Variants in TULP4 observed in about 807,000 individuals in gnomAD.
TULP4 encodes TUB like protein 4, also known as tubby-related protein 4.
Under a neutral mutation model 129.0 loss-of-function variants are expected in TULP4, and 16 were observed. The observed-to-expected ratio is 0.12, with a 90% CI of 0.08 to 0.19. The LOEUF is 0.19. Among genes scored for constraint, TULP4 ranks in the 10% least tolerant of loss-of-function variants. The probability of loss-of-function intolerance (pLI) is 1.00; values close to 1 mark genes in which losing one functional copy is unlikely to be tolerated. For synonymous variants in TULP4, 998 were observed against 854.0 expected (o/e 1.17, Z -2.94); for missense variants, 1,842 against 2,059.1 (o/e 0.89, Z 2.04).
intron 1 of TULP4, among the ~76,000 whole-genome samples, chr6:158,344,535 CTT>C (rs1440985004): frequency 1.3e-5 from 2 of 152,148 alleles, no homozygotes; most frequent in East Asian, 3.8e-4. Flanking sequence ...ATCATTATAT[CTT>C]TTATGGTGAT....
At chr6:158,368,657 C>G (rs540857687) in intron 1 of TULP4, among the ~76,000 whole-genome samples, 11 of 152,100 alleles carry the variant, frequency 7.2e-5, no homozygotes, top group African/African-American at 2.7e-4. Context: ...ACAGAGCCTT[C>G]GTCTTAAAAG....
chr6:158,272,263 T>G (rs1315814865), intron 1 of TULP4, among the ~76,000 whole-genome samples: 1 of 152,228 alleles, frequency 6.6e-6, no homozygotes, highest in East Asian at 1.9e-4. Flanking sequence ...TCACCAATGT[T>G]TTTATCATCA....
At chr6:158,459,245 A>G (rs986184680) in intron 5 of TULP4, among the ~76,000 whole-genome samples, 1 of 152,184 alleles carries the variant, frequency 6.6e-6, no homozygotes, top group African/African-American at 2.4e-5. Context: ...AGCCTGACCA[A>G]CATGGAGAAA....
chr6:158,343,212 G>C (rs1181705936), intron 1 of TULP4, among the ~76,000 whole-genome samples: 2 of 152,112 alleles, frequency 1.3e-5, no homozygotes, highest in Non-Finnish European at 1.5e-5. Context: ...GAGGTTTGCT[G>C]TAGTTCCTGT....
chr6:158,419,241 C>G (rs963466056), intron 2 of TULP4, among the ~76,000 whole-genome samples: 3 of 152,088 alleles, frequency 2.0e-5, no homozygotes, highest in Middle Eastern at 3.2e-3. Context: ...AACCCATAAC[C>G]CCTACTTGAA....
intron 6 of TULP4, among the ~76,000 whole-genome samples, chr6:158,478,825 T>C (rs116582511): frequency 0.017 from 2,626 of 152,322 alleles, 84 homozygotes; most frequent in African/African-American, 0.059. Context: ...ATAAGAATTT[T>C]CTAACTTGCA....
rs1780704514 is a variant in TULP4, at chr6:158,510,123, C to T, written c.*3429C>T. On this transcript the variant is annotated 3_prime_UTR_variant, in exon 14 of 14. Coordinates refer to ENST00000367097, the MANE Select transcript of TULP4 (RefSeq NM_020245.5). Reference sequence around the variant, plus strand: ...CTCTAACCTCATCAAACCAAAGGCACAGATTTGTGTACAATATACCCATTG... The same window carrying T: ...CTCTAACCTCATCAAACCAAAGGCATAGATTTGTGTACAATATACCCATTG... 1 of 152,586 alleles carries T rather than the reference C, an allele frequency of 6.6e-6. No homozygotes were observed. The highest frequency in any genetic ancestry group is 1.5e-5 in the Non-Finnish European group (1 of 68,038). 9.5% of individuals were successfully genotyped at this position (152,586 alleles called of 1,614,324 possible).
chr6:158,390,914 ACT>A (rs1375388231), intron 1 of TULP4, among the ~76,000 whole-genome samples: 4 of 152,052 alleles, frequency 2.6e-5, no homozygotes, highest in Non-Finnish European at 5.9e-5. Context: ...GCATAGTAAG[ACT>A]CTGTCTCTAT....
intron 2 of TULP4, among the ~76,000 whole-genome samples, chr6:158,424,894 C>CA (rs1778439755): frequency 6.6e-6 from 1 of 151,784 alleles, no homozygotes; most frequent in African/African-American, 2.4e-5. Flanking sequence ...TGGCTCGTAC[C>CA]GGTAATCCCA....
intron 1 of TULP4, among the ~76,000 whole-genome samples, chr6:158,410,679 T>G (rs1778078401): frequency 6.6e-6 from 1 of 152,232 alleles, no homozygotes; most frequent in Non-Finnish European, 1.5e-5. Flanking sequence ...GAAAGATGTC[T>G]GTGAAGTGGG....
At chr6:158,448,907 T>C (rs964725256) in intron 3 of TULP4, 89 bp from the exon 4 acceptor site, 5 of 1,367,160 alleles carry the variant, frequency 3.7e-6, no homozygotes, top group African/African-American at 1.5e-5. Flanking sequence ...AAATGTATAT[T>C]GTCTTCCTAA....
chr6:158,287,265 T>A (rs923005919), intron 1 of TULP4, among the ~76,000 whole-genome samples: 1 of 152,186 alleles, frequency 6.6e-6, no homozygotes, highest in Admixed American at 6.5e-5. Flanking sequence ...ATGTGTAGTG[T>A]TTATTTCTGT....
At chr6:158,232,512 G>A (rs1777615235) in intron 1 of TULP4, among the ~76,000 whole-genome samples, 1 of 151,358 alleles carries the variant, frequency 6.6e-6, no homozygotes, top group Non-Finnish European at 1.5e-5. Context: ...GTCTGACCCG[G>A]GCCCGGCGGC....
rs58354698 is a variant in TULP4 at position 158,260,017 on chromosome 6, C to T, written n.68+27714C>T. 5.9e-3 allele frequency among the ~76,000 whole-genome samples: 897 copies of T among 152,290 alleles called. 13 individuals carry two copies. Among genetic ancestry groups the T allele is most frequent in the African/African-American group, 0.021 (853 of 41,556 alleles). The stretch of plus-strand genomic sequence containing the variant: ...TTATCGTATCAGGGTCTTATGACAT[C>T]GTTGGTCATGTGATTGAGCTCAGTC... On this transcript the variant is annotated intron_variant and non_coding_transcript_variant, in intron 1 of 1. Coordinates refer to the TULP4 transcript ENST00000620026.
At chr6:158,455,934 A>T (rs1779283027) in intron 5 of TULP4, among the ~76,000 whole-genome samples, 1 of 152,204 alleles carries the variant, frequency 6.6e-6, no homozygotes, top group Non-Finnish European at 1.5e-5. Context: ...AGGCATAGAA[A>T]TGTATTAATG....
At chr6:158,357,819 A>G (rs1196983073) in intron 1 of TULP4, among the ~76,000 whole-genome samples, 1 of 151,762 alleles carries the variant, frequency 6.6e-6, no homozygotes, top group Non-Finnish European at 1.5e-5. Context: ...TCACCTCTTA[A>G]TTTTTTTTCT....
intron 6 of TULP4, among the ~76,000 whole-genome samples, chr6:158,463,192 C>A (rs1365698987): frequency 6.6e-6 from 1 of 152,190 alleles, no homozygotes; most frequent in Non-Finnish European, 1.5e-5. Context: ...TGAACCCTGT[C>A]ACACTCTGAT....
At chr6:158,423,432 G>C (rs1030168654) in intron 2 of TULP4, among the ~76,000 whole-genome samples, 3 of 152,120 alleles carry the variant, frequency 2.0e-5, no homozygotes, top group Non-Finnish European at 2.9e-5. Flanking sequence ...TGCTAGAAGA[G>C]AAAATGTTAA....
chr6:158,351,707 CTT>C (rs1160814801), intron 1 of TULP4, among the ~76,000 whole-genome samples: 208 of 50,436 alleles, frequency 4.1e-3, no homozygotes, highest in African/African-American at 0.011. Flanking sequence ...TGTTGTTAAA[CTT>C]TTTTTTTTTT....
Sources: allele counts gnomAD v4.1 joint callset (sites outside exome capture counted in the v4.1 genomes callset), GRCh38; gene constraint gnomAD v4.1.1; transcripts MANE v1.5; gene names NCBI Gene and HGNC (gene_info 2026-07-23, HGNC 2026-07-21).